HACD2: variants seen among roughly 807,000 people sequenced by gnomAD.
HACD2 encodes the protein very-long-chain (3R)-3-hydroxyacyl-CoA dehydratase 2.
Under a neutral mutation model 31.0 loss-of-function variants are expected in HACD2, and 15 were observed. The observed-to-expected ratio is 0.48, with a 90% CI of 0.32 to 0.75. HACD2 has a LOEUF of 0.75. HACD2 is among the 30% of genes least tolerant of loss of function. HACD2 has a pLI of 0.03. For missense variants in HACD2, 283 were observed against 313.0 expected, an observed-to-expected ratio of 0.90 and a Z score of 0.72; for synonymous variants, 115 against 122.2, an observed-to-expected ratio of 0.94 and a Z score of 0.39.
chr3:123,582,133 G>A, intron 2 of HACD2, 79 bp downstream of exon 2: 1 of 926,694 alleles, frequency 1.1e-6, no homozygotes, highest in Non-Finnish European at 1.6e-6. Flanking sequence ...AAGGGGGTAT[G>A]CTACTTCAAT....
intron 6 of HACD2, among the ~76,000 whole-genome samples, chr3:123,497,732 A>T (rs1336330685): frequency 6.6e-6 from 1 of 152,184 alleles, no homozygotes; most frequent in African/African-American, 2.4e-5. Flanking sequence ...CTACAGCAGA[A>T]CAGGAGAGGA....
At chr3:123,504,263 A>C (rs993643794) in intron 4 of HACD2, among the ~76,000 whole-genome samples, 1 of 152,228 alleles carries the variant, frequency 6.6e-6, no homozygotes, top group African/African-American at 2.4e-5. Flanking sequence ...ATATGTTTTT[A>C]CAGCTAAGAG....
chr3:123,584,568 C>G (rs965147228), intron 1 of HACD2: 2 of 253,698 alleles, frequency 7.9e-6, no homozygotes, highest in Admixed American at 1.1e-4. Context: ...CCCCCGGCCC[C>G]GCACCTGTGG....
Position 123,573,737 on chromosome 3 carries a change from G to A in HACD2, c.274-5957C>T, listed in dbSNP as rs138775909. Among the ~76,000 whole-genome samples, 182 of 152,200 alleles carry A rather than the reference G, an allele frequency of 1.2e-3. 1 individual carries two copies. Among genetic ancestry groups the A allele is most frequent in the Middle Eastern group, 6.8e-3 (2 of 294 alleles). ...AGCAAAAGGGTGTTGGTTATTCACTGGGCTCCCTCAGACTCCAAACATGTT... is the reference window on the plus strand; with the variant it reads ...AGCAAAAGGGTGTTGGTTATTCACTAGGCTCCCTCAGACTCCAAACATGTT... On this transcript the variant is annotated intron_variant, in intron 2 of 6. Coordinates refer to ENST00000383657, the MANE Select transcript of HACD2 (RefSeq NM_198402.5).
chr3:123,510,349 G>A (rs2056042548), intron 4 of HACD2, among the ~76,000 whole-genome samples: 1 of 152,214 alleles, frequency 6.6e-6, no homozygotes, highest in South Asian at 2.1e-4. Context: ...CCGGGTTCAA[G>A]TGATTCTCCT....
rs546429662 is a variant in HACD2, at chr3:123,565,431, CT to C, written c.292+2330del. 5.2e-3 allele frequency among the ~76,000 whole-genome samples: 795 copies of C among 152,110 alleles called. 9 individuals are homozygous for C. Among genetic ancestry groups the C allele is most frequent in the African/African-American group, 0.019 (771 of 41,478 alleles). On this transcript the variant is annotated intron_variant, in intron 3 of 6. Transcript: ENST00000383657. ...GGATCTCATGAATGGGGTTAGTGCC[CT>C]TATAAAAGGCCCAAGGGAGCTCACT... is the stretch of plus-strand genomic sequence containing the variant.
chr3:123,584,191 T>C (rs144829374), intron 1 of HACD2, among the ~76,000 whole-genome samples: 8 of 152,194 alleles, frequency 5.3e-5, no homozygotes, highest in African/African-American at 1.7e-4. Flanking sequence ...GAGCTTGAAC[T>C]AAAAACCCGC....
At chr3:123,529,725 T>C (rs2056328612) in intron 3 of HACD2, among the ~76,000 whole-genome samples, 1 of 152,096 alleles carries the variant, frequency 6.6e-6, no homozygotes, top group African/African-American at 2.4e-5. Context: ...AGGTCCTGTC[T>C]CAGAATAAAT....
At chr3:123,512,663 G>A (rs1393915941) in intron 4 of HACD2, among the ~76,000 whole-genome samples, 2 of 152,140 alleles carry the variant, frequency 1.3e-5, no homozygotes, top group Non-Finnish European at 2.9e-5. Flanking sequence ...AATATATTAA[G>A]GAAAATGGGC....
intron 4 of HACD2, among the ~76,000 whole-genome samples, chr3:123,519,708 G>C (rs2056189090): frequency 6.6e-6 from 1 of 152,150 alleles, no homozygotes; most frequent in South Asian, 2.1e-4. Context: ...ACTACATAAA[G>C]GACTGACATT....
chr3:123,503,884 T>C (rs1458625722), intron 4 of HACD2, among the ~76,000 whole-genome samples: 1 of 152,352 alleles, frequency 6.6e-6, no homozygotes, highest in African/African-American at 2.4e-5. Flanking sequence ...GCAATGTTAA[T>C]AGTTTTTAGC....
At chr3:123,497,097 G>A (rs893661007) in intron 6 of HACD2, among the ~76,000 whole-genome samples, 1 of 152,212 alleles carries the variant, frequency 6.6e-6, no homozygotes, top group Admixed American at 6.5e-5. Context: ...CACAGTTCAG[G>A]CAGTGGCTTC....
intron 1 of HACD2, among the ~76,000 whole-genome samples, chr3:123,583,517 A>G (rs927107596): frequency 1.3e-5 from 2 of 152,174 alleles, no homozygotes; most frequent in African/African-American, 4.8e-5. Context: ...GAGTCAAGAG[A>G]AATGATTTCT....
chr3:123,516,831 T>C (rs1049520628), intron 4 of HACD2, among the ~76,000 whole-genome samples: 1 of 152,230 alleles, frequency 6.6e-6, no homozygotes, highest in Admixed American at 6.5e-5. Flanking sequence ...GTGTTCAGCC[T>C]GTTTTCTGGA....
At chr3:123,557,064 C>T (rs530101982) in intron 3 of HACD2, among the ~76,000 whole-genome samples, 1 of 152,354 alleles carries the variant, frequency 6.6e-6, no homozygotes, top group East Asian at 1.9e-4. Context: ...GGACTGTTAT[C>T]CTAAACTTAA....
chr3:123,517,524 C>T (rs1034607370), intron 4 of HACD2, among the ~76,000 whole-genome samples: 4 of 152,102 alleles, frequency 2.6e-5, no homozygotes, highest in African/African-American at 9.7e-5. Flanking sequence ...CCTTTAACTC[C>T]AGCAATGATA....
chr3:123,545,735 A>G (rs1413751881), intron 3 of HACD2, among the ~76,000 whole-genome samples: 29 of 148,202 alleles, frequency 2.0e-4, no homozygotes, highest in South Asian at 1.3e-3. Flanking sequence ...TTTTTTGGAG[A>G]CAGTCTCCCT....
rs776886786 is a variant in HACD2 at position 123,500,498 on chromosome 3, C to G, written c.682+17G>C. On this transcript the variant is annotated intron_variant, in intron 6 of 6. Transcript: ENST00000383657. ...ATTTTAAAACATAATTAAATATACG[C>G]ATAACTGTTTACTTACTTGGAATGT... 1.6e-5 allele frequency: 24 copies of G among 1,537,000 alleles called. No individual in the cohort carries two copies. In the Admixed American group the frequency reaches 2.0e-4, roughly 13 times the overall value.
chr3:123,584,963 G>T lies in HACD2; in HGVS notation c.65C>A (p.Ala22Asp). 2 of 1,527,470 alleles carry T rather than the reference G, an allele frequency of 1.3e-6. No homozygotes were observed. Among genetic ancestry groups the T allele is most frequent in the East Asian group, 2.7e-5 (1 of 37,264 alleles). The allele number at this position is 1,527,470 out of a possible 1,614,324, so 94.6% of individuals were successfully genotyped here. A position where few individuals can be genotyped will look rare whatever the true frequency, so the allele number is the denominator to read the frequency against. The change falls in exon 1 of 7, where the codon GCC becomes GAC. Residue 22 changes from alanine to aspartate, a missense_variant. Ala to Asp is a moderately radical substitution (Grantham distance 126, BLOSUM62 -2). Transcript: ENST00000383657. Reference protein sequence around the residue: ...GNGGGGGRAGAGDASGTRKKK... With the variant: ...GNGGGGGRAGDGDASGTRKKK... ...CTTCCGCGTGCCGCTGGCGTCCCCG[G>T]CCCCGGCCCTGCCACCGCCGCCCCC... is the stretch of plus-strand genomic sequence containing the variant.
Sources: gnomAD v4.1 joint callset for allele counts (sites outside exome capture counted in the v4.1 genomes callset) on GRCh38, gnomAD v4.1.1 for gene constraint, MANE v1.5 for transcripts, NCBI Gene and HGNC (gene_info 2026-07-23, HGNC 2026-07-21) for gene names.